The following NAALADL2 variants were observed in gnomAD, a reference collection of about 807,000 sequenced individuals.
The protein encoded by NAALADL2 is N-acetylated alpha-linked acidic dipeptidase like 2.
A neutral mutation model predicts 87.2 loss-of-function variants in NAALADL2; 76 were observed. The observed-to-expected ratio is 0.87, with a 90% CI of 0.72 to 1.05. The LOEUF (loss-of-function observed/expected upper bound fraction) is 1.05, where lower values mean the gene tolerates loss of function less well. Ranked by LOEUF, NAALADL2 falls within the 50% of genes least tolerant of loss-of-function variation. The probability of loss-of-function intolerance (pLI) is 0.00; values close to 1 mark genes in which losing one functional copy is unlikely to be tolerated. For missense variants in NAALADL2, 1,089 were observed against 945.8 expected, an observed-to-expected ratio of 1.15 and a Z score of -1.99; for synonymous variants, 354 against 331.0, an observed-to-expected ratio of 1.07 and a Z score of -0.75.
At chr3:175,703,488 A>G (rs1328463185) in intron 11 of NAALADL2, among the ~76,000 whole-genome samples, 3 of 152,204 alleles carry the variant, frequency 2.0e-5, no homozygotes, top group Non-Finnish European at 4.4e-5. Context: ...CATGCCTGTA[A>G]TCCCAGCACT....
chr3:175,697,450 G>A (rs1298502330), intron 11 of NAALADL2, among the ~76,000 whole-genome samples: 1 of 142,340 alleles, frequency 7.0e-6, no homozygotes, highest in African/African-American at 2.7e-5. Context: ...TACTTATGAG[G>A]GTGTATTGTT....
At chr3:175,513,005 A>T (rs1431457456) in intron 9 of NAALADL2, among the ~76,000 whole-genome samples, 1 of 152,214 alleles carries the variant, frequency 6.6e-6, no homozygotes, top group Non-Finnish European at 1.5e-5. Context: ...CTTTACAAGA[A>T]GCTACTCTAA....
chr3:174,770,633 G>A (rs962904514), intron 3 of NAALADL2, among the ~76,000 whole-genome samples: 1 of 152,102 alleles, frequency 6.6e-6, no homozygotes, highest in African/African-American at 2.4e-5. Context: ...GAGGTCAGGA[G>A]ATCGAGACCA....
chr3:175,330,170 A>G (rs1254821405), intron 5 of NAALADL2, among the ~76,000 whole-genome samples: 1 of 152,222 alleles, frequency 6.6e-6, no homozygotes, highest in African/African-American at 2.4e-5. Flanking sequence ...TGCTAAAAAA[A>G]AAGATTTACT....
intron 4 of NAALADL2, among the ~76,000 whole-genome samples, chr3:175,313,789 G>A (rs949428980): frequency 4.6e-5 from 7 of 152,130 alleles, no homozygotes; most frequent in South Asian, 4.1e-4. Context: ...AGTGGTCCGG[G>A]CATGGTGGCT....
At chr3:175,430,977 T>G (rs1367240511) in intron 5 of NAALADL2, among the ~76,000 whole-genome samples, 1 of 152,076 alleles carries the variant, frequency 6.6e-6, no homozygotes, top group East Asian at 1.9e-4. Flanking sequence ...TTATTGAAAC[T>G]TGAGATAATT....
intron 1 of NAALADL2, among the ~76,000 whole-genome samples, chr3:175,064,991 A>G (rs1438143759): frequency 1.3e-5 from 2 of 152,128 alleles, no homozygotes; most frequent in Non-Finnish European, 2.9e-5. Flanking sequence ...TTAAAAATTC[A>G]TTTTCGACAA....
chr3:174,847,987 A>G (rs1043990947), intron 3 of NAALADL2, among the ~76,000 whole-genome samples: 6 of 149,964 alleles, frequency 4.0e-5, no homozygotes, highest in Non-Finnish European at 8.9e-5. Flanking sequence ...GTATCTAAGT[A>G]TTCTAACTCT....
At chr3:175,460,038 A>G (rs1560585758) in intron 6 of NAALADL2, 1 of 385,276 alleles carries the variant, frequency 2.6e-6, no homozygotes, top group Non-Finnish European at 5.2e-6. Flanking sequence ...TGTTATTGCT[A>G]TTACAGATTA....
At chr3:175,016,084 AC>A in intron 1 of NAALADL2, among the ~76,000 whole-genome samples, 1 of 151,736 alleles carries the variant, frequency 6.6e-6, no homozygotes, top group East Asian at 1.9e-4. Flanking sequence ...TACAATATTC[AC>A]CTGAAACTCC....
chr3:175,194,328 C>T (rs1427758057), intron 2 of NAALADL2, among the ~76,000 whole-genome samples: 1 of 151,744 alleles, frequency 6.6e-6, no homozygotes, highest in Non-Finnish European at 1.5e-5. Context: ...GAAACTAAAA[C>T]AGAGATGAAT....
chr3:174,834,816 G>A (rs930568140), intron 3 of NAALADL2, among the ~76,000 whole-genome samples: 1 of 150,660 alleles, frequency 6.6e-6, no homozygotes, highest in African/African-American at 2.4e-5. Context: ...GATAAGCCAT[G>A]TTTATTGGTT....
At chr3:175,786,468 AC>A (rs1205005695) in intron 13 of NAALADL2, among the ~76,000 whole-genome samples, 1 of 151,788 alleles carries the variant, frequency 6.6e-6, no homozygotes, top group Non-Finnish European at 1.5e-5. Context: ...CATTGCTGAT[AC>A]CCTTTCTTCC....
chr3:175,698,433 A>ATT lies in NAALADL2; in HGVS notation c.1897-38872_1897-38871insTT, dbSNP rs1177166056. 2.0e-4 allele frequency among the ~76,000 whole-genome samples: 26 copies of ATT among 132,448 alleles called. 7 individuals are homozygous for ATT. Among genetic ancestry groups the ATT allele is most frequent in the African/African-American group, 7.7e-4 (26 of 33,824 alleles). 86.9% of individuals were successfully genotyped at this position (132,448 alleles called of 152,430 possible). A position where few individuals can be genotyped will look rare whatever the true frequency, so the allele number is the denominator to read the frequency against. ...TATGTATGTATACATATGTATGTGT[A>ATT]TATATTTATGTATGTATACATATAT... On this transcript the variant is annotated intron_variant, in intron 11 of 13. Transcript: ENST00000454872.
intron 1 of NAALADL2, among the ~76,000 whole-genome samples, chr3:175,087,649 A>G (rs1250908531): frequency 1.3e-5 from 2 of 152,144 alleles, no homozygotes; most frequent in African/African-American, 4.8e-5. Flanking sequence ...GTGTCCACTC[A>G]GGGTTAAATG....
intron 1 of NAALADL2, among the ~76,000 whole-genome samples, chr3:175,070,003 G>T (rs1715306801): frequency 1.4e-5 from 2 of 146,090 alleles, no homozygotes; most frequent in Non-Finnish European, 3.0e-5. Context: ...CACACTCTGG[G>T]GACTGTTGTG....
chr3:174,697,978 C>A (rs1161238292), intron 2 of NAALADL2, among the ~76,000 whole-genome samples: 2 of 152,000 alleles, frequency 1.3e-5, no homozygotes, highest in African/African-American at 4.8e-5. Context: ...GTAGTCCCTG[C>A]TACTCAGGAG....
intron 2 of NAALADL2, among the ~76,000 whole-genome samples, chr3:175,137,271 G>A (rs966695447): frequency 2.6e-5 from 4 of 151,992 alleles, no homozygotes; most frequent in Non-Finnish European, 5.9e-5. Context: ...TTTGCACAAG[G>A]ATGTATAATT....
intron 3 of NAALADL2, among the ~76,000 whole-genome samples, chr3:174,744,514 C>A (rs1197608684): frequency 6.6e-6 from 1 of 152,012 alleles, no homozygotes; most frequent in Non-Finnish European, 1.5e-5. Flanking sequence ...ATTTTAACAG[C>A]CCACTGTCAA....
Sources: allele counts gnomAD v4.1 joint callset (sites outside exome capture counted in the v4.1 genomes callset), GRCh38; gene constraint gnomAD v4.1.1; transcripts MANE v1.5; gene names NCBI Gene and HGNC (gene_info 2026-07-23, HGNC 2026-07-21).